ANKRD31: variants seen among roughly 807,000 people sequenced by gnomAD.
ANKRD31 encodes the protein ankyrin repeat domain 31, also known as ankyrin repeat domain-containing protein 31.
ANKRD31 carries 147 observed loss-of-function variants against 186.0 expected under a neutral mutation model. That is an observed-to-expected ratio of 0.79 (90% CI 0.69 to 0.91). ANKRD31 has a LOEUF of 0.91. Among genes scored for constraint, ANKRD31 ranks in the 40% least tolerant of loss-of-function variants. ANKRD31 has a pLI of 0.00. For synonymous variants in ANKRD31, 673 were observed against 736.4 expected (o/e 0.91, Z 1.39); for missense variants, 1,986 against 2,148.8 (o/e 0.92, Z 1.50).
At chr5:75,159,251 G>A (rs1368298555) in intron 11 of ANKRD31, among the ~76,000 whole-genome samples, 2 of 151,990 alleles carry the variant, frequency 1.3e-5, no homozygotes, top group African/African-American at 4.8e-5. Context: ...GCACCATTAA[G>A]CACAACAACA....
chr5:75,157,103 T>C (rs117627043), intron 11 of ANKRD31, among the ~76,000 whole-genome samples: 1,524 of 152,230 alleles, frequency 0.01, 14 homozygotes, highest in Middle Eastern at 0.027. Flanking sequence ...AGGGAGGGCT[T>C]AGGAGGAGCA....
At chr5:75,188,462 A>T in intron 10 of ANKRD31, 31 bp downstream of exon 10, 1 of 1,522,506 alleles carries the variant, frequency 6.6e-7, no homozygotes, top group Non-Finnish European at 8.8e-7. Flanking sequence ...AACCACTCTT[A>T]AGGTAACTGT....
chr5:75,204,262 T>C (rs1056031627), intron 5 of ANKRD31, among the ~76,000 whole-genome samples: 4 of 152,344 alleles, frequency 2.6e-5, no homozygotes, highest in Admixed American at 6.5e-5. Flanking sequence ...CTTGTTCTTA[T>C]ACCTTTTTAA....
chr5:75,080,609 T>C lies in ANKRD31; in HGVS notation c.5606A>G (p.Glu1869Gly). The change falls in exon 25 of 26, where the codon GAA becomes GGA. Residue 1869 changes from glutamate to glycine, a missense_variant. Physicochemically the swap from Glu to Gly is moderately conservative, Grantham distance 98 (BLOSUM62 -2). Coordinates refer to ENST00000506364, the MANE Select transcript of ANKRD31 (RefSeq NM_001372053.1). ...TTTCTCAAACATTGATTTGTTTGGT[T>C]CCTGTACTGGGTCATCTAAACAAGC... ...EVACLDDPVQ[E>G]PNKSMFEKTK... is the part of the protein sequence containing the mutation. 1 of 1,529,966 alleles carries C rather than the reference T, an allele frequency of 6.5e-7. No homozygotes were observed. The highest frequency in any genetic ancestry group is 2.5e-5 in the East Asian group (1 of 40,796). The allele number at this position is 1,529,966 out of a possible 1,614,324, so 94.8% of individuals were successfully genotyped here. A position where few individuals can be genotyped will look rare whatever the true frequency, so the allele number is the denominator to read the frequency against.
chr5:75,139,027 G>C, intron 15 of ANKRD31, 44 bp from the exon 16 acceptor site: 2 of 1,529,918 alleles, frequency 1.3e-6, no homozygotes, highest in Non-Finnish European at 1.7e-6. Flanking sequence ...GCCAAATGCT[G>C]ATTGTTATAA....
intron 10 of ANKRD31, among the ~76,000 whole-genome samples, chr5:75,183,475 T>C (rs777160644): frequency 1.3e-5 from 2 of 152,204 alleles, no homozygotes; most frequent in South Asian, 2.1e-4. Flanking sequence ...GGAAGTCAAA[T>C]TGTCCCTGGT....
At chr5:75,106,584 G>A (rs781584762) in intron 21 of ANKRD31, among the ~76,000 whole-genome samples, 17 of 151,968 alleles carry the variant, frequency 1.1e-4, no homozygotes, top group Non-Finnish European at 2.2e-4. Context: ...AAGTCTCATA[G>A]CAATATTAAT....
At chr5:75,163,059 C>T (rs1752677030) in intron 11 of ANKRD31, among the ~76,000 whole-genome samples, 1 of 151,972 alleles carries the variant, frequency 6.6e-6, no homozygotes, top group Non-Finnish European at 1.5e-5. Flanking sequence ...GTTAACAATG[C>T]CAGTATTACT....
intron 12 of ANKRD31, 108 bp downstream of exon 12, chr5:75,154,093 T>G: frequency 8.8e-7 from 1 of 1,132,640 alleles, no homozygotes; most frequent in African/African-American, 1.6e-5. Context: ...TTGGATGGAT[T>G]TTCTCAACAC....
In ANKRD31 at chr5:75,195,765, T is replaced by A; in HGVS notation, c.883A>T (p.Thr295Ser). The change falls in exon 7 of 26, where the codon ACA becomes TCA. Residue 295 changes from threonine to serine, a missense_variant. Coordinates refer to ENST00000506364, the MANE Select transcript of ANKRD31 (RefSeq NM_001372053.1). ...GTTTCCACCTTGGCTTCTGACAATGTGTTCAGGGCTTCCAATAACTCAGCT... is the reference window on the plus strand; with the variant it reads ...GTTTCCACCTTGGCTTCTGACAATGAGTTCAGGGCTTCCAATAACTCAGCT... ...LPAELLEALN[T>S]LSEAKVETIC... The A allele has an allele frequency of 1.3e-6, 2 of 1,537,528 alleles. No homozygotes were observed. The highest frequency in any genetic ancestry group is 1.7e-6 in the Non-Finnish European group (2 of 1,146,912).
chr5:75,128,496 CTTTAT>C (rs1219941828), intron 17 of ANKRD31, among the ~76,000 whole-genome samples: 1 of 65,088 alleles, frequency 1.5e-5, no homozygotes, highest in Non-Finnish European at 2.6e-5. Context: ...AGTGGTTTCA[CTTTAT>C]TTTATTTATT....
chr5:75,105,272 A>G (rs1242877928), intron 21 of ANKRD31, 54 bp from the exon 22 acceptor site: 7 of 1,423,770 alleles, frequency 4.9e-6, no homozygotes, highest in Non-Finnish European at 6.4e-6. Flanking sequence ...AAACTTTTCA[A>G]AGCGGTCACT....
chr5:75,228,127 G>C (rs1451675747), intron 2 of ANKRD31, among the ~76,000 whole-genome samples: 1 of 152,160 alleles, frequency 6.6e-6, no homozygotes, highest in African/African-American at 2.4e-5. Context: ...TTACTATATG[G>C]CCATTGAAAG....
rs145570346 is a variant in ANKRD31, at chr5:75,163,668, G to C, written c.1707+5311C>G. ...AGGGATGCTCAACCTGGACTTGAAA[G>C]AATTTTATTCTCTATCCTACTAACT... is the stretch of plus-strand genomic sequence containing the variant. On this transcript the variant is annotated intron_variant, in intron 11 of 25. Transcript: ENST00000506364. Among the ~76,000 whole-genome samples, 531 of 152,274 alleles carry C rather than the reference G, an allele frequency of 3.5e-3. 1 individual carries two copies. Among genetic ancestry groups the C allele is most frequent in the Non-Finnish European group, 5.9e-3 (401 of 68,018 alleles).
rs146108113 is a variant in ANKRD31 at position 75,230,921 on chromosome 5, A to C, written c.105-286T>G. 8.6e-4 allele frequency among the ~76,000 whole-genome samples: 131 copies of C among 152,306 alleles called. 1 individual carries two copies. The East Asian group carries it at 0.015, about 17-fold the overall frequency. ...GTTGTCTCTAGTCTAATAAACCTTA[A>C]TAACTTTTTGAAAAGAGATAAAATG... On this transcript the variant is annotated intron_variant, in intron 1 of 25. Coordinates refer to ENST00000506364, the MANE Select transcript of ANKRD31 (RefSeq NM_001372053.1).
rs1748445154 is a variant in ANKRD31 at position 75,118,136 on chromosome 5, A to G, written c.4038T>C (p.Asn1346=). 2.8e-6 allele frequency: 4 copies of G among 1,454,278 alleles called. No individual in the cohort carries two copies. The highest frequency in any genetic ancestry group is 3.6e-6 in the Non-Finnish European group (4 of 1,113,948). 90.1% of individuals were successfully genotyped at this position (1,454,278 alleles called of 1,614,324 possible). ...VNRDESDAIV[N]EKIPAVRSKR... is the part of the protein sequence containing the mutation. ...TAGCAGCAATATTGATATACATACC[A>G]TTGACTATAGCATCACTCTCATCTC... is the stretch of plus-strand genomic sequence containing the variant. The change falls in exon 18 of 26, where the codon AAT becomes AAC. Residue 1346 remains asparagine (N), a splice_region_variant and synonymous_variant. Coordinates refer to ENST00000506364, the MANE Select transcript of ANKRD31 (RefSeq NM_001372053.1).
At chr5:75,087,726 T>C (rs376136390) in intron 23 of ANKRD31, among the ~76,000 whole-genome samples, 47 of 151,288 alleles carry the variant, frequency 3.1e-4, no homozygotes, top group African/African-American at 1.1e-3. Context: ...TAACACAAAA[T>C]ACATTGTGGC....
At chr5:75,092,842 T>C (rs1322914010) in intron 22 of ANKRD31, among the ~76,000 whole-genome samples, 2 of 151,798 alleles carry the variant, frequency 1.3e-5, no homozygotes, top group Non-Finnish European at 2.9e-5. Context: ...AAGAAAACCA[T>C]AATTAAAGAC....
rs1175874914 is a variant in ANKRD31, at chr5:75,222,313, T to A, written c.224A>T (p.Asp75Val). 1 of 1,536,902 alleles carries A rather than the reference T, an allele frequency of 6.5e-7. No individual in the cohort carries two copies. The highest frequency in any genetic ancestry group is 1.2e-5 in the South Asian group (1 of 84,032). Residue 75 changes from aspartate to valine, a missense_variant, in exon 3 of 26, where the codon GAT becomes GTT. Coordinates refer to ENST00000506364, the MANE Select transcript of ANKRD31 (RefSeq NM_001372053.1). ...EIQLGFKLRE[D>V]LQEQMNKNKM... Reference sequence around the variant, plus strand: ...ATTTTTATTCATTTGCTCTTGCAGATCCTCTCTGAGCTTAAATCCAAGTTG... The same window carrying A: ...ATTTTTATTCATTTGCTCTTGCAGAACCTCTCTGAGCTTAAATCCAAGTTG...
Sources: gnomAD v4.1 joint callset for allele counts (sites outside exome capture counted in the v4.1 genomes callset) on GRCh38, gnomAD v4.1.1 for gene constraint, MANE v1.5 for transcripts, NCBI Gene and HGNC (gene_info 2026-07-23, HGNC 2026-07-21) for gene names.